SULF1: variants seen among roughly 807,000 people sequenced by gnomAD.
SULF1 encodes the protein extracellular sulfatase Sulf-1.
A neutral mutation model predicts 110.5 loss-of-function variants in SULF1; 46 were observed. That is an observed-to-expected ratio of 0.42 (90% confidence interval 0.33 to 0.53). SULF1 has a LOEUF of 0.53. SULF1 is among the 20% of genes least tolerant of loss of function. SULF1 has a pLI of 0.12. For missense variants in SULF1, 941 were observed against 1,094.2 expected (o/e 0.86, Z 1.98); for synonymous variants, 371 against 387.1 (o/e 0.96, Z 0.49).
rs1055721536 is a variant in SULF1 at position 69,660,112 on chromosome 8, C to T, written c.*1577C>T. 6.6e-6 allele frequency: 1 copy of T among 152,574 alleles called. No individual in the cohort carries two copies. Among genetic ancestry groups the T allele is most frequent in the East Asian group, 1.9e-4 (1 of 5,178 alleles). The allele number at this position is 152,574 out of a possible 1,614,324, so 9.5% of individuals were successfully genotyped here. A position where few individuals can be genotyped will look rare whatever the true frequency, so the allele number is the denominator to read the frequency against. On this transcript the variant is annotated 3_prime_UTR_variant, in exon 23 of 23. Transcript: ENST00000402687. ...TCAAAGCGTTCATCATACATCATAC[C>T]TTTAAGATTGCTATATTTTGGGTTA...
intron 3 of SULF1, among the ~76,000 whole-genome samples, chr8:69,502,680 C>CTTTCTTTTTCTTTTT (rs1810890406): frequency 8.6e-6 from 1 of 116,460 alleles, no homozygotes; most frequent in Admixed American, 8.4e-5. Context: ...TTTTCTTTTT[C>CTTTCTTTTTCTTTTT]TTTTTTTTTC....
intron 6 of SULF1, among the ~76,000 whole-genome samples, chr8:69,577,365 T>TTTC (rs1805686288): frequency 6.6e-6 from 1 of 152,194 alleles, no homozygotes; most frequent in Non-Finnish European, 1.5e-5. Context: ...CTCTGTTTTA[T>TTTC]AACTGAGGTG....
At chr8:69,654,831 C>T (rs570442320) in intron 22 of SULF1, among the ~76,000 whole-genome samples, 2 of 152,294 alleles carry the variant, frequency 1.3e-5, no homozygotes, top group South Asian at 4.1e-4. Flanking sequence ...TTTTAACTGC[C>T]CATTCCTTCC....
intron 3 of SULF1, among the ~76,000 whole-genome samples, chr8:69,551,804 T>A (rs1287296625): frequency 2.0e-5 from 3 of 152,154 alleles, no homozygotes; most frequent in Non-Finnish European, 4.4e-5. Context: ...AGAAATGCAA[T>A]TTTAAGGCCG....
At chr8:69,597,785 C>T (rs1334243910) in intron 8 of SULF1, among the ~76,000 whole-genome samples, 2 of 152,132 alleles carry the variant, frequency 1.3e-5, no homozygotes, top group Admixed American at 6.5e-5. Flanking sequence ...ACATCAAAGG[C>T]AATAAGTAGA....
At chr8:69,560,970 G>A (rs1404361364) in intron 3 of SULF1, among the ~76,000 whole-genome samples, 3 of 152,202 alleles carry the variant, frequency 2.0e-5, no homozygotes. Context: ...TGAATTGAAT[G>A]TTGGTGGTGG....
At chr8:69,653,478 G>A (rs1402519020) in intron 22 of SULF1, among the ~76,000 whole-genome samples, 2 of 152,220 alleles carry the variant, frequency 1.3e-5, no homozygotes, top group African/African-American at 2.4e-5. Flanking sequence ...ATAGGCTAAG[G>A]TCCAGATGGG....
intron 8 of SULF1, among the ~76,000 whole-genome samples, chr8:69,595,692 G>C (rs1290153895): frequency 6.6e-6 from 1 of 152,114 alleles, no homozygotes; most frequent in African/African-American, 2.4e-5. Flanking sequence ...TAATCTTTAA[G>C]GGTTAGATCA....
At chr8:69,618,540 G>A (rs1809356943) in intron 13 of SULF1, among the ~76,000 whole-genome samples, 1 of 152,142 alleles carries the variant, frequency 6.6e-6, no homozygotes. Context: ...TATCTGCAGG[G>A]CATCCTGGAC....
chr8:69,483,949 A>C (rs1183410841), intron 1 of SULF1, among the ~76,000 whole-genome samples: 1 of 152,246 alleles, frequency 6.6e-6, no homozygotes, highest in African/African-American at 2.4e-5. Context: ...ACATTATCTA[A>C]TTTAATTTAT....
intron 3 of SULF1, among the ~76,000 whole-genome samples, chr8:69,531,891 T>C (rs532436381): frequency 6.6e-6 from 1 of 152,298 alleles, no homozygotes; most frequent in South Asian, 2.1e-4. Context: ...GCTGATTACA[T>C]ACGCGGCCAC....
chr8:69,587,969 A>G (rs1190211809), intron 7 of SULF1, among the ~76,000 whole-genome samples: 1 of 152,194 alleles, frequency 6.6e-6, no homozygotes, highest in African/African-American at 2.4e-5. Flanking sequence ...CCTAACAATG[A>G]CATGCGGCAC....
intron 15 of SULF1, among the ~76,000 whole-genome samples, chr8:69,625,698 T>C (rs1033943793): frequency 1.3e-5 from 2 of 152,176 alleles, no homozygotes; most frequent in African/African-American, 4.8e-5. Flanking sequence ...GTGTTACAGC[T>C]CATAAAAGCG....
chr8:69,502,680 C>CTTTCTTTTTCTTTTTTTTTTTTT (rs1810890406), intron 3 of SULF1, among the ~76,000 whole-genome samples: 2 of 116,458 alleles, frequency 1.7e-5, no homozygotes, highest in Non-Finnish European at 3.7e-5. Flanking sequence ...TTTTCTTTTT[C>CTTTCTTTTTCTTTTTTTTTTTTT]TTTTTTTTTC....
intron 7 of SULF1, among the ~76,000 whole-genome samples, chr8:69,588,508 G>C (rs186098307): frequency 6.6e-6 from 1 of 152,078 alleles, no homozygotes; most frequent in African/African-American, 2.4e-5. Context: ...GTGTGTGAGC[G>C]TGTGTGTATG....
At chr8:69,532,647 G>A (rs1813164745) in intron 3 of SULF1, among the ~76,000 whole-genome samples, 1 of 152,218 alleles carries the variant, frequency 6.6e-6, no homozygotes, top group Non-Finnish European at 1.5e-5. Flanking sequence ...ACAACTACCT[G>A]TTTGACCTAT....
At chr8:69,630,599 C>T (rs984510701) in intron 19 of SULF1, among the ~76,000 whole-genome samples, 2 of 152,114 alleles carry the variant, frequency 1.3e-5, no homozygotes, top group Non-Finnish European at 2.9e-5. Context: ...CTCTTAAAGT[C>T]ACAGCATTTA....
chr8:69,505,523 T>C (rs955844410), intron 3 of SULF1, among the ~76,000 whole-genome samples: 1 of 152,202 alleles, frequency 6.6e-6, no homozygotes, highest in African/African-American at 2.4e-5. Flanking sequence ...CCTGGCACTT[T>C]ATTTTTAATA....
chr8:69,546,876 G>C (rs1355938546), intron 3 of SULF1, among the ~76,000 whole-genome samples: 3 of 152,154 alleles, frequency 2.0e-5, no homozygotes, highest in African/African-American at 7.2e-5. Context: ...TTACTGGTTG[G>C]TGGGTTTGTG....
Sources: allele counts gnomAD v4.1 joint callset (sites outside exome capture counted in the v4.1 genomes callset), GRCh38; gene constraint gnomAD v4.1.1; transcripts MANE v1.5; gene names NCBI Gene and HGNC (gene_info 2026-07-23, HGNC 2026-07-21).